LRRC61: variants seen among roughly 807,000 people sequenced by gnomAD.
LRRC61 encodes leucine rich repeat containing 61, also known as leucine-rich repeat-containing protein 61.
LRRC61 carries 9 observed loss-of-function variants against 15.1 expected under a neutral mutation model. The observed-to-expected ratio is 0.60, with a 90% CI of 0.36 to 1.04. LRRC61 has a LOEUF of 1.04. Ranked by LOEUF, LRRC61 falls within the 50% of genes least tolerant of loss-of-function variation. The pLI is 0.01. For missense variants in LRRC61, 344 were observed against 335.6 expected, an observed-to-expected ratio of 1.03 and a Z score of -0.20; for synonymous variants, 173 against 158.6, an observed-to-expected ratio of 1.09 and a Z score of -0.68.
In LRRC61 at chr7:150,336,738, G is replaced by A. The variant is rs115992259; in HGVS notation, c.-124G>A. On this transcript the variant is annotated 5_prime_UTR_variant, in exon 3 of 3. Transcript: ENST00000359623. Reference sequence around the variant, plus strand: ...CTCAGGGACTGGCTGGCTTCGAGCAGGGCATCGGAACCAGGCCTCCTGGCA... The same window carrying A: ...CTCAGGGACTGGCTGGCTTCGAGCAAGGCATCGGAACCAGGCCTCCTGGCA... 1,931 of 1,331,948 alleles carry A rather than the reference G, an allele frequency of 1.4e-3. 19 individuals carry two copies. The African/African-American group carries it at 0.024, about 16-fold the overall frequency. The allele number at this position is 1,331,948 out of a possible 1,614,324, so 82.5% of individuals were successfully genotyped here. A position where few individuals can be genotyped will look rare whatever the true frequency, so the allele number is the denominator to read the frequency against.
upstream of LRRC61, among the ~76,000 whole-genome samples, chr7:150,320,836 G>C (rs1797439448): frequency 6.6e-6 from 1 of 152,216 alleles, no homozygotes; most frequent in African/African-American, 2.4e-5. Context: ...TTGTGATCAA[G>C]AGTGCTGACT....
chr7:150,321,320 G>A (rs919046220), upstream of LRRC61, among the ~76,000 whole-genome samples: 1 of 152,144 alleles, frequency 6.6e-6, no homozygotes, highest in Non-Finnish European at 1.5e-5. Context: ...ACAATTGTTT[G>A]AATAATTTTT....
In LRRC61 at chr7:150,337,773, A is replaced by G. The variant is rs1585051774; in HGVS notation, c.*132A>G. ...CACACTGGGCTATTGCTTTATCCCT[A>G]TCCTGAGAGCAGCCCCTCCCCACCA... On this transcript the variant is annotated 3_prime_UTR_variant, in exon 3 of 3. Coordinates refer to ENST00000359623, the MANE Select transcript of LRRC61 (RefSeq NM_001142928.2). 2.1e-6 allele frequency: 2 copies of G among 962,024 alleles called. No homozygotes were observed. The highest frequency in any genetic ancestry group is 3.0e-6 in the Non-Finnish European group (2 of 662,556). 59.6% of individuals were successfully genotyped at this position (962,024 alleles called of 1,614,324 possible).
rs964777196 is a variant in LRRC61, at chr7:150,333,561, C to T, written c.-144-3157C>T. ...AGACTTAGCTCTGCCCTGTGGGCCT[C>T]ATTTCCCAGGCAGAAGACACTCACC... On this transcript the variant is annotated intron_variant, in intron 2 of 2. Coordinates refer to ENST00000359623, the MANE Select transcript of LRRC61 (RefSeq NM_001142928.2). This position sits in a 1 kb window ranked among gnomAD's most constrained non-coding sequence, Gnocchi z 4.3. Among the ~76,000 whole-genome samples the T allele has an allele frequency of 1.3e-4, 20 of 152,202 alleles. No individual in the cohort carries two copies. The highest frequency in any genetic ancestry group is 4.8e-4 in the African/African-American group (20 of 41,456).
rs1433268244 is a variant in LRRC61 at position 150,335,373 on chromosome 7, AAG to A, written c.-144-1341_-144-1340del. ...ATATAAATATTTGAGGTATAAATAA[AAG>A]AGAATGAGCTGGAATGTTGCAGACT... On this transcript the variant is annotated intron_variant, in intron 2 of 2. Coordinates refer to ENST00000359623, the MANE Select transcript of LRRC61 (RefSeq NM_001142928.2). The surrounding 1 kb of genome is among the most constrained non-coding windows in gnomAD (Gnocchi z 4.3). Among the ~76,000 whole-genome samples, 2 of 151,996 alleles carry A rather than the reference AAG, an allele frequency of 1.3e-5. No homozygotes were observed. Among genetic ancestry groups the A allele is most frequent in the African/African-American group, 4.9e-5 (2 of 41,224 alleles).
chr7:150,320,136 G>A (rs115227034), upstream of LRRC61, among the ~76,000 whole-genome samples: 1,164 of 152,304 alleles, frequency 7.6e-3, 16 homozygotes, highest in African/African-American at 0.027. Context: ...CCAGAAAAGG[G>A]GTTTCACCCC....
intron 2 of LRRC61, among the ~76,000 whole-genome samples, chr7:150,326,719 C>T (rs1283807616): frequency 2.6e-5 from 4 of 151,778 alleles, no homozygotes; most frequent in East Asian, 1.9e-4. Context: ...AGGGTGACCC[C>T]GTTCTGCAGA....
chr7:150,323,729 C>G (rs542877318), intron 1 of LRRC61, 169 bp downstream of exon 1: 122 of 454,900 alleles, frequency 2.7e-4, no homozygotes, highest in African/African-American at 2.4e-3. Flanking sequence ...CCCTCTGTGC[C>G]GAGAACTGCC....
At chr7:150,309,605 C>A in the LRRC61 span, among the ~76,000 whole-genome samples, 48 of 152,348 alleles carry the variant, frequency 3.2e-4, no homozygotes, top group Non-Finnish European at 5.3e-4. Context: ...TCCTTTAAAT[C>A]CTCCTCATGG....
chr7:150,315,381 C>T, the LRRC61 span, among the ~76,000 whole-genome samples: 6 of 151,968 alleles, frequency 3.9e-5, no homozygotes, highest in African/African-American at 7.2e-5. Flanking sequence ...GATATGCAGC[C>T]GAAGATGCTA....
chr7:150,337,420 T>A lies in LRRC61; in HGVS notation c.559T>A (p.Ser187Thr). Residue 187 changes from serine (S) to threonine (T), a missense_variant, in exon 3 of 3, where the codon TCC (serine) becomes ACC (threonine). Ser to Thr is a moderately conservative substitution (Grantham distance 58). Coordinates refer to ENST00000359623, the MANE Select transcript of LRRC61 (RefSeq NM_001142928.2). ...CCTGGACAGCTCCTTGCGTCCCAGC[T>A]CCAGTCCAGGCCCCAGAGCCACCGA... is the stretch of plus-strand genomic sequence containing the variant. ...RDLDSSLRPS[S>T]SPGPRATEAQ... is the part of the protein sequence containing the mutation. 6.2e-7 allele frequency: 1 copy of A among 1,605,402 alleles called. No homozygotes were observed. The highest frequency in any genetic ancestry group is 8.5e-7 in the Non-Finnish European group (1 of 1,179,896).
At chr7:150,326,104 C>A (rs913775898) in intron 2 of LRRC61, 94 bp downstream of exon 2, 2 of 152,280 alleles carry the variant, frequency 1.3e-5, no homozygotes, top group African/African-American at 4.8e-5. Flanking sequence ...GGGATCCCTC[C>A]CCGCCTCATA....
chr7:150,320,687 C>T (rs1464450860), upstream of LRRC61, among the ~76,000 whole-genome samples: 3 of 152,160 alleles, frequency 2.0e-5, no homozygotes, highest in East Asian at 1.9e-4. Flanking sequence ...CACTTGAACC[C>T]GGGAGGCAGA....
rs1274618177 is a variant in LRRC61 at position 150,335,187 on chromosome 7, C to T, written c.-144-1531C>T. On this transcript the variant is annotated intron_variant, in intron 2 of 2. Transcript: ENST00000359623. This position sits in a 1 kb window ranked among gnomAD's most constrained non-coding sequence, Gnocchi z 4.3. ...TTCACAGCAGACAGGTTTCTAGTGC[C>T]TGGTGCTCCTCCTGCACCCCCCACG... is the stretch of plus-strand genomic sequence containing the variant. Among the ~76,000 whole-genome samples, 1 of 152,194 alleles carries T rather than the reference C, an allele frequency of 6.6e-6. No individual in the cohort carries two copies.
rs1798180043 is a variant in LRRC61, at chr7:150,333,533, C to G, written c.-144-3185C>G. Among the ~76,000 whole-genome samples, 1 of 152,316 alleles carries G rather than the reference C, an allele frequency of 6.6e-6. No individual in the cohort carries two copies. Among genetic ancestry groups the G allele is most frequent in the East Asian group, 1.9e-4 (1 of 5,168 alleles). On this transcript the variant is annotated intron_variant, in intron 2 of 2. Transcript: ENST00000359623. This position sits in a 1 kb window ranked among gnomAD's most constrained non-coding sequence, Gnocchi z 4.3. ...TGCTCTGGGTTGAAGCGTTCCTCCC[C>G]CTAGACTTAGCTCTGCCCTGTGGGC... is the stretch of plus-strand genomic sequence containing the variant.
rs915729926 is a variant in LRRC61, at chr7:150,329,886, CG to C, written c.-145+3877del. The C allele has an allele frequency of 3.8e-5, 6 of 156,356 alleles. No individual in the cohort carries two copies. The East Asian group carries it at 1.2e-3, about 30-fold the overall frequency. The allele number at this position is 156,356 out of a possible 1,614,324, so 9.7% of individuals were successfully genotyped here. A position where few individuals can be genotyped will look rare whatever the true frequency, so the allele number is the denominator to read the frequency against. ...GATGCTGGGAACCTTGCTCTGGATG[CG>C]AGGCCTGCCCCTGGAGGGAGCCGCG... On this transcript the variant is annotated intron_variant, in intron 2 of 2. Transcript: ENST00000359623.
the LRRC61 span, among the ~76,000 whole-genome samples, chr7:150,310,974 C>T: frequency 1.3e-5 from 2 of 152,200 alleles, no homozygotes; most frequent in Non-Finnish European, 2.9e-5. Flanking sequence ...ATGCGCTCTT[C>T]CTGCAGACCG....
chr7:150,309,755 GC>G, the LRRC61 span, among the ~76,000 whole-genome samples: 1 of 152,162 alleles, frequency 6.6e-6, no homozygotes, highest in Admixed American at 6.5e-5. Context: ...CACTTCTAGG[GC>G]CCCTGGAGCT....
chr7:150,317,344 C>T, the LRRC61 span, among the ~76,000 whole-genome samples: 7 of 152,292 alleles, frequency 4.6e-5, no homozygotes, highest in African/African-American at 1.4e-4. Context: ...TAGGCCACTG[C>T]GCCCAGCCTT....
Sources: allele counts gnomAD v4.1 joint callset (sites outside exome capture counted in the v4.1 genomes callset), GRCh38; gene constraint gnomAD v4.1.1; non-coding constraint Gnocchi (gnomAD v3.1); transcripts MANE v1.5; gene names NCBI Gene and HGNC (gene_info 2026-07-23, HGNC 2026-07-21).